Variants in ING3 observed in about 807,000 individuals in gnomAD.
ING3 encodes the protein inhibitor of growth protein 3.
A neutral mutation model predicts 64.8 loss-of-function variants in ING3; 6 were observed. The ratio of observed to expected loss-of-function variants is 0.09; its 90% CI spans 0.05 to 0.18. The LOEUF is 0.18. Ranked by LOEUF, ING3 falls within the 10% of genes least tolerant of loss-of-function variation. The pLI, the probability that ING3 is intolerant of heterozygous loss-of-function variation, is 1.00. For synonymous variants in ING3, 170 were observed against 173.7 expected (o/e 0.98, Z 0.17); for missense variants, 310 against 489.7 (o/e 0.63, Z 3.46).
intron 3 of ING3, among the ~76,000 whole-genome samples, chr7:120,954,199 G>A (rs1795810145): frequency 6.6e-6 from 1 of 152,120 alleles, no homozygotes; most frequent in Admixed American, 6.5e-5. Flanking sequence ...GCTGAGGCGG[G>A]TGGATCACCT....
chr7:120,973,331 T>A, intron 11 of ING3, 88 bp downstream of exon 11: 1 of 891,940 alleles, frequency 1.1e-6, no homozygotes, highest in Non-Finnish European at 1.8e-6. Flanking sequence ...TATGGTTTGG[T>A]CTAAGAAAAC....
chr7:120,970,358 G>A (rs1055430445), intron 9 of ING3, among the ~76,000 whole-genome samples: 2 of 151,758 alleles, frequency 1.3e-5, no homozygotes, highest in African/African-American at 2.4e-5. Flanking sequence ...CCAGCTACTC[G>A]GGAGGCTGAG....
chr7:120,965,434 G>A (rs559441558), intron 5 of ING3, among the ~76,000 whole-genome samples: 66 of 152,244 alleles, frequency 4.3e-4, no homozygotes, highest in Middle Eastern at 3.4e-3. Context: ...ATGGAAGCAT[G>A]AGCACTGTTT....
intron 11 of ING3, among the ~76,000 whole-genome samples, chr7:120,973,876 A>G (rs563124993): frequency 2.6e-5 from 4 of 152,328 alleles, no homozygotes; most frequent in Non-Finnish European, 4.4e-5. Flanking sequence ...GGATCCTAAG[A>G]TTAACAAGAG....
Position 120,967,644 on chromosome 7 carries a change from A to G in ING3, c.552A>G (p.Thr184=), listed in dbSNP as rs777948056. 6.3e-7 allele frequency: 1 copy of G among 1,583,720 alleles called. No homozygotes were observed. Among genetic ancestry groups the G allele is most frequent in the East Asian group, 2.2e-5 (1 of 44,550 alleles). ...CGTCAGATGCCTCTAAGGAAAATAC[A>G]CTAGGTAAGTTAATTTTCTTAAATA... The part of the protein sequence containing the change: ...TLTSDASKEN[T]LGCRNNNSTA... The change falls in exon 7 of 12, where the codon ACA becomes ACG. Residue 184 remains threonine, a synonymous_variant. Coordinates refer to ENST00000315870, the MANE Select transcript of ING3 (RefSeq NM_019071.3).
At chr7:120,966,214 T>A (rs1442249821) in intron 5 of ING3, among the ~76,000 whole-genome samples, 1 of 152,184 alleles carries the variant, frequency 6.6e-6, no homozygotes, top group South Asian at 2.1e-4. Context: ...ATTTTTTTCA[T>A]ATAGTAATGT....
chr7:120,969,394 G>C (rs1307136888), intron 9 of ING3, among the ~76,000 whole-genome samples, 190 bp downstream of exon 9: 1 of 152,168 alleles, frequency 6.6e-6, no homozygotes, highest in Non-Finnish European at 1.5e-5. Context: ...AAAAGTGTTA[G>C]AGTTGTTTTT....
intron 6 of ING3, among the ~76,000 whole-genome samples, chr7:120,967,048 G>A (rs1056168982): frequency 6.6e-6 from 1 of 152,112 alleles, no homozygotes; most frequent in Non-Finnish European, 1.5e-5. Flanking sequence ...TAGGCCCTTT[G>A]TCTTTTTCAT....
chr7:120,959,142 T>A (rs1165827409), intron 4 of ING3, among the ~76,000 whole-genome samples: 1 of 152,216 alleles, frequency 6.6e-6, no homozygotes, highest in Non-Finnish European at 1.5e-5. Context: ...CAGCTCATAA[T>A]GATGGTGTTC....
At position 120,950,822 on chromosome 7, in the gene ING3, G is replaced by C; in HGVS notation, c.-75G>C. 7 of 1,537,470 alleles carry C rather than the reference G, an allele frequency of 4.6e-6. No individual in the cohort carries two copies. Among genetic ancestry groups the C allele is most frequent in the Non-Finnish European group, 6.3e-6 (7 of 1,115,982 alleles). On this transcript the variant is annotated 5_prime_UTR_variant, in exon 1 of 12. Coordinates refer to ENST00000315870, the MANE Select transcript of ING3 (RefSeq NM_019071.3). ...CTAGCGGAGGCGCCATATTGGAGGG[G>C]ACAAAACTCCGGCGACAGCGAGTGA...
At chr7:120,959,403 C>T (rs957775069) in intron 4 of ING3, among the ~76,000 whole-genome samples, 1 of 152,148 alleles carries the variant, frequency 6.6e-6, no homozygotes, top group Non-Finnish European at 1.5e-5. Context: ...ATTCCTGAAG[C>T]CCAAGCTGTT....
chr7:120,974,848 T>A lies in ING3; in HGVS notation c.*4T>A. On this transcript the variant is annotated 3_prime_UTR_variant, in exon 12 of 12. Transcript: ENST00000315870. ...AAGAGGCAGCAGACACAAATAAAGG[T>A]GGTCCTTTTGTTTGATGAAGAAATA... 6.3e-7 allele frequency: 1 copy of A among 1,579,926 alleles called. No homozygotes were observed. The highest frequency in any genetic ancestry group is 8.7e-7 in the Non-Finnish European group (1 of 1,155,208).
intron 5 of ING3, 101 bp from the exon 6 acceptor site, chr7:120,966,525 C>G (rs765660225): frequency 3.4e-6 from 3 of 880,828 alleles, no homozygotes; most frequent in Non-Finnish European, 5.9e-6. Context: ...ACTTGCTAGT[C>G]CTCTGCTGGG....
intron 3 of ING3, among the ~76,000 whole-genome samples, chr7:120,953,692 A>T (rs968571113): frequency 6.6e-6 from 1 of 152,206 alleles, no homozygotes; most frequent in African/African-American, 2.4e-5. Context: ...GTTGAGATAG[A>T]GTACTGTATT....
At chr7:120,961,168 T>TA (rs1182371302) in intron 4 of ING3, among the ~76,000 whole-genome samples, 4 of 152,234 alleles carry the variant, frequency 2.6e-5, no homozygotes, top group Non-Finnish European at 5.9e-5. Context: ...TAGACAGAGT[T>TA]ATATGCTAAG....
chr7:120,970,965 C>T (rs1368558522), intron 10 of ING3, 85 bp downstream of exon 10: 3 of 1,299,218 alleles, frequency 2.3e-6, no homozygotes, highest in Admixed American at 2.1e-5. Context: ...CTTTTTTAAA[C>T]TCACTTAAAA....
At chr7:120,966,316 T>C (rs1795996672) in intron 5 of ING3, among the ~76,000 whole-genome samples, 1 of 152,200 alleles carries the variant, frequency 6.6e-6, no homozygotes, top group South Asian at 2.1e-4. Flanking sequence ...GATTACAATG[T>C]CCATTCATCC....
Position 120,953,841 on chromosome 7 carries a change from G to A in ING3, c.201+437G>A, listed in dbSNP as rs1232783506. Among the ~76,000 whole-genome samples the A allele has an allele frequency of 2.6e-5, 4 of 152,168 alleles. No homozygotes were observed. The South Asian group carries it at 8.3e-4, about 31-fold the overall frequency. On this transcript the variant is annotated intron_variant, in intron 3 of 11. Coordinates refer to ENST00000315870, the MANE Select transcript of ING3 (RefSeq NM_019071.3). ...AGAAGGAATTTAAGAAAGCCTTCTA[G>A]TTTAAACTCTAAATTTGCACACGAA...
chr7:120,967,807 G>A (rs1796015693), intron 7 of ING3, 127 bp from the exon 8 acceptor site: 1 of 1,223,962 alleles, frequency 8.2e-7, no homozygotes, highest in Non-Finnish European at 1.1e-6. Flanking sequence ...TTATTCAGTT[G>A]ACTTAATGTA....
Sources: gnomAD v4.1 joint callset for allele counts (sites outside exome capture counted in the v4.1 genomes callset) on GRCh38, gnomAD v4.1.1 for gene constraint, MANE v1.5 for transcripts, NCBI Gene and HGNC (gene_info 2026-07-23, HGNC 2026-07-21) for gene names.